FANCI: variants seen among roughly 807,000 people sequenced by gnomAD.
FANCI encodes the protein FA complementation group I, also known as Fanconi anemia group I protein.
Under a neutral mutation model 176.1 loss-of-function variants are expected in FANCI, and 156 were observed. The observed-to-expected ratio is 0.89, with a 90% confidence interval of 0.78 to 1.01. The LOEUF is 1.01. Ranked by LOEUF, FANCI falls within the 50% of genes least tolerant of loss-of-function variation. FANCI has a pLI of 0.00. For missense variants in FANCI, 1,678 were observed against 1,534.1 expected (o/e 1.09, Z -1.57); for synonymous variants, 613 against 541.7 (o/e 1.13, Z -1.83).
At chr15:89,264,889 C>T (rs1272587517) in intron 9 of FANCI, among the ~76,000 whole-genome samples, 1 of 152,164 alleles carries the variant, frequency 6.6e-6, no homozygotes, top group African/African-American at 2.4e-5. Flanking sequence ...TTGGGGCTAC[C>T]GTGCTGAACC....
chr15:89,291,102 A>G (rs1385497640), intron 19 of FANCI, among the ~76,000 whole-genome samples: 1 of 152,214 alleles, frequency 6.6e-6, no homozygotes, highest in African/African-American at 2.4e-5. Flanking sequence ...GCAGACTCCA[A>G]AAGTTAAAAG....
At chr15:89,256,468 G>C (rs1225795978) in intron 2 of FANCI, among the ~76,000 whole-genome samples, 1 of 152,244 alleles carries the variant, frequency 6.6e-6, no homozygotes, top group Non-Finnish European at 1.5e-5. Context: ...TCATGTACTT[G>C]TGGAAGAGAG....
intron 9 of FANCI, among the ~76,000 whole-genome samples, chr15:89,267,065 A>C (rs1486893916): frequency 1.3e-5 from 2 of 152,096 alleles, no homozygotes; most frequent in Non-Finnish European, 2.9e-5. Context: ...CACCATTTCA[A>C]GGTCAAGCAC....
At chr15:89,266,599 G>T (rs750641996) in intron 9 of FANCI, among the ~76,000 whole-genome samples, 26 of 151,464 alleles carry the variant, frequency 1.7e-4, no homozygotes, top group Non-Finnish European at 3.2e-4. Context: ...AAAGTGCTGG[G>T]ATTACAGGCG....
intron 18 of FANCI, among the ~76,000 whole-genome samples, chr15:89,288,313 G>A (rs970404327): frequency 1.3e-5 from 2 of 152,032 alleles, no homozygotes; most frequent in Non-Finnish European, 2.9e-5. Context: ...CTCTTGTGCA[G>A]TCCTTGATAT....
chr15:89,270,165 C>T (rs2053145406), intron 10 of FANCI, among the ~76,000 whole-genome samples: 1 of 152,082 alleles, frequency 6.6e-6, no homozygotes, highest in Non-Finnish European at 1.5e-5. Flanking sequence ...CCAGTGTTAG[C>T]TCATGGGTTG....
At chr15:89,249,516 T>G (rs117356489) in intron 2 of FANCI, among the ~76,000 whole-genome samples, 3,432 of 152,138 alleles carry the variant, frequency 0.023, 41 homozygotes, top group Non-Finnish European at 0.035. Flanking sequence ...TCCGACTAAT[T>G]TTTGTATTTT....
intron 30 of FANCI, 67 bp downstream of exon 30, chr15:89,305,476 G>A: frequency 1.2e-6 from 2 of 1,611,010 alleles, no homozygotes; most frequent in African/African-American, 2.7e-5. Flanking sequence ...CATGTGAAGT[G>A]ACTTGTGTCC....
At chr15:89,307,871 C>T (rs1245960888) in intron 34 of FANCI, 199 bp downstream of exon 34, 71 of 1,451,188 alleles carry the variant, frequency 4.9e-5, no homozygotes, top group Non-Finnish European at 5.4e-5. Flanking sequence ...AACTGTTTCA[C>T]TTAATTTGGA....
At chr15:89,258,677 G>A (rs1272444188) in intron 2 of FANCI, 27 bp from the exon 3 acceptor site, 8 of 1,584,390 alleles carry the variant, frequency 5.0e-6, no homozygotes, top group South Asian at 2.2e-5. Flanking sequence ...TGTTGCCAGA[G>A]ACTTGTACCT....
At chr15:89,292,573 C>G in intron 20 of FANCI, 115 bp from the exon 21 acceptor site, 2 of 1,038,852 alleles carry the variant, frequency 1.9e-6, no homozygotes, top group Non-Finnish European at 2.9e-6. Context: ...ATTTGTAACG[C>G]CAATGAATCA....
At chr15:89,258,142 G>C (rs900705473) in intron 2 of FANCI, among the ~76,000 whole-genome samples, 1 of 151,724 alleles carries the variant, frequency 6.6e-6, no homozygotes, top group Non-Finnish European at 1.5e-5. Flanking sequence ...CATTGCACGT[G>C]ATCATACTTC....
chr15:89,283,067 A>G (rs2053676611), intron 16 of FANCI, 69 bp from the exon 17 acceptor site: 2 of 1,519,220 alleles, frequency 1.3e-6, no homozygotes, highest in Admixed American at 1.7e-5. Flanking sequence ...AACTAGCTGG[A>G]TTTTTCTGAC....
At position 89,285,136 on chromosome 15, in the gene FANCI, A is replaced by G. The variant is rs866290050; in HGVS notation, c.1739A>G (p.Asn580Ser). ...DVHSHYNSVANETFCLEIMDS... is the reference protein window; with the variant it reads ...DVHSHYNSVASETFCLEIMDS... ...CACAGCCATTACAATTCTGTCGCCAATGAAACTTTTTGCCTTGAGATCATG... is the reference window on the plus strand; with the variant it reads ...CACAGCCATTACAATTCTGTCGCCAGTGAAACTTTTTGCCTTGAGATCATG... The change falls in exon 18 of 38, where the codon AAT becomes AGT. Residue 580 changes from asparagine to serine, a missense_variant. Asn to Ser is a conservative substitution (Grantham distance 46). Coordinates refer to ENST00000310775, the MANE Select transcript of FANCI (RefSeq NM_001113378.2). 1.4e-5 allele frequency: 23 copies of G among 1,614,084 alleles called. No homozygotes were observed. In the Middle Eastern group the frequency reaches 4.9e-4, roughly 35 times the overall value.
Position 89,276,887 on chromosome 15 carries a change from T to C in FANCI, c.1289T>C (p.Phe430Ser), listed in dbSNP as rs989654669. Residue 430 changes from phenylalanine (F) to serine (S), a missense_variant, in exon 13 of 38, where the codon TTT (phenylalanine) becomes TCT (serine). Phe to Ser is a radical substitution (Grantham distance 155, BLOSUM62 -2). Coordinates refer to ENST00000310775, the MANE Select transcript of FANCI (RefSeq NM_001113378.2). ...GGAGCTAATATCCTGTTGGAAACTT[T>C]TAAGGTGAGACACTATTTTGGCAAC... The part of the protein sequence containing the change: ...KLGANILLET[F>S]KIHEMIRQEI... 1.2e-6 allele frequency: 2 copies of C among 1,614,198 alleles called. No homozygotes were observed. Among genetic ancestry groups the C allele is most frequent in the South Asian group, 1.1e-5 (1 of 91,086 alleles).
At chr15:89,260,634 C>A in intron 3 of FANCI, 79 bp from the exon 4 acceptor site, 3 of 1,542,030 alleles carry the variant, frequency 1.9e-6, no homozygotes, top group Non-Finnish European at 1.8e-6. Context: ...TTGTATTTAA[C>A]TACAAACCTG....
chr15:89,305,542 C>T (rs1315375921), intron 30 of FANCI, 63 bp from the exon 31 acceptor site: 1 of 1,603,168 alleles, frequency 6.2e-7, no homozygotes, highest in Admixed American at 1.7e-5. Context: ...CAGGTGACCA[C>T]AGTTATTATA....
chr15:89,290,922 G>C (rs1163875475), intron 19 of FANCI, among the ~76,000 whole-genome samples: 1 of 152,088 alleles, frequency 6.6e-6, no homozygotes, highest in Admixed American at 6.5e-5. Flanking sequence ...CTTTTCATCT[G>C]GCCTTAGGCT....
At chr15:89,309,796 A>T (rs532407890) in intron 34 of FANCI, among the ~76,000 whole-genome samples, 40 of 152,324 alleles carry the variant, frequency 2.6e-4, no homozygotes, top group Non-Finnish European at 4.1e-4. Context: ...GAACATTTTT[A>T]AAAAAATAAC....
Sources: gnomAD v4.1 joint callset for allele counts (sites outside exome capture counted in the v4.1 genomes callset) on GRCh38, gnomAD v4.1.1 for gene constraint, MANE v1.5 for transcripts, NCBI Gene and HGNC (gene_info 2026-07-23, HGNC 2026-07-21) for gene names.